The following MRC2 variants were observed in gnomAD, a reference collection of about 807,000 sequenced individuals.
MRC2 encodes mannose receptor C-type 2.
A neutral mutation model predicts 206.2 loss-of-function variants in MRC2; 84 were observed. The ratio of observed to expected loss-of-function variants is 0.41; its 90% confidence interval spans 0.34 to 0.49. The LOEUF (loss-of-function observed/expected upper bound fraction) is 0.49, where lower values mean the gene tolerates loss of function less well. Ranked by LOEUF, MRC2 falls within the 20% of genes least tolerant of loss-of-function variation. The pLI, the probability that MRC2 is intolerant of heterozygous loss-of-function variation, is 0.31. For synonymous variants in MRC2, 798 were observed against 800.0 expected (o/e 1.00, Z 0.04); for missense variants, 1,676 against 2,001.5 (o/e 0.84, Z 3.10).
At position 62,664,924 on chromosome 17, in the gene MRC2, G is replaced by A; in HGVS notation, c.495G>A (p.Glu165=). 7 of 1,610,640 alleles carry A rather than the reference G, an allele frequency of 4.3e-6. No individual in the cohort carries two copies. Among genetic ancestry groups the A allele is most frequent in the Non-Finnish European group, 5.9e-6 (7 of 1,179,654 alleles). Residue 165 remains glutamate (E), a synonymous_variant, in exon 2 of 30, where the codon GAG becomes GAA. Coordinates refer to ENST00000303375, the MANE Select transcript of MRC2 (RefSeq NM_006039.5). The surrounding 1 kb of genome is among the most constrained non-coding windows in gnomAD (Gnocchi z 4.7). ...AGTGGCGCATCTACGGCAGCGAGGA[G>A]GACCTATGTGCTCTGCCCTACCACG... ...SGQWRIYGSE[E]DLCALPYHEV...
At chr17:62,687,883 G>GAA (rs146397202) in intron 20 of MRC2, among the ~76,000 whole-genome samples, 1 of 142,940 alleles carries the variant, frequency 7.0e-6, no homozygotes, top group Non-Finnish European at 1.5e-5. Context: ...ACTCTGTCTT[G>GAA]AAAAAAAAAA....
chr17:62,648,518 A>G (rs1343233849), intron 1 of MRC2, among the ~76,000 whole-genome samples: 1 of 152,230 alleles, frequency 6.6e-6, no homozygotes, highest in Admixed American at 6.5e-5. Context: ...TTTCTGCAGA[A>G]CCGGAATGTG....
In MRC2 at chr17:62,692,159, C is replaced by T. The variant is rs201019182; in HGVS notation, c.4219+21C>T. Reference sequence around the variant, plus strand: ...ATCAGGTGAGTGAAAGGCAATGCCCCCAGGTGGGCAGGCAGGAAGCACTGC... The same window carrying T: ...ATCAGGTGAGTGAAAGGCAATGCCCTCAGGTGGGCAGGCAGGAAGCACTGC... On this transcript the variant is annotated intron_variant, in intron 29 of 29. Transcript: ENST00000303375. The surrounding 1 kb of genome is among the most constrained non-coding windows in gnomAD (Gnocchi z 4.2). 6.2e-7 allele frequency: 1 copy of T among 1,614,198 alleles called. No homozygotes were observed. The highest frequency in any genetic ancestry group is 2.2e-5 in the East Asian group (1 of 44,878).
chr17:62,678,098 T>C (rs1179206938), intron 12 of MRC2, among the ~76,000 whole-genome samples: 5 of 152,134 alleles, frequency 3.3e-5, no homozygotes, highest in African/African-American at 9.7e-5. Context: ...GCTGTCACAA[T>C]GGAGATTTAG....
chr17:62,682,247 A>T lies in MRC2; in HGVS notation c.2816A>T (p.Asp939Val), dbSNP rs1053276367. 1 of 1,595,826 alleles carries T rather than the reference A, an allele frequency of 6.3e-7. No homozygotes were observed. Residue 939 changes from aspartate to valine, a missense_variant, in exon 20 of 30, where the codon GAC (aspartate) becomes GTC (valine). By Grantham distance (152) the Asp-to-Val change is radical (BLOSUM62 -3). Transcript: ENST00000303375. Reference sequence around the variant, plus strand: ...CCCCTTTCCGCAGAGGACTGGGGGGACCAGAGGTGCCTGACAGCCTTGCCC... The same window carrying T: ...CCCCTTTCCGCAGAGGACTGGGGGGTCCAGAGGTGCCTGACAGCCTTGCCC... ...YMTASREDWGDQRCLTALPYI... is the reference protein window; with the variant it reads ...YMTASREDWGVQRCLTALPYI...
At chr17:62,674,869 C>T (rs78296800) in intron 9 of MRC2, among the ~76,000 whole-genome samples, 3 of 152,002 alleles carry the variant, frequency 2.0e-5, no homozygotes, top group Non-Finnish European at 4.4e-5. Flanking sequence ...GGCCCTTGGC[C>T]CCCCCCAGCA....
At chr17:62,636,037 T>G (rs2088313219) in intron 1 of MRC2, among the ~76,000 whole-genome samples, 1 of 151,924 alleles carries the variant, frequency 6.6e-6, no homozygotes, top group Non-Finnish European at 1.5e-5. Flanking sequence ...TCCACCTGCC[T>G]CGGCCTCCCA....
chr17:62,680,063 G>A lies in MRC2; in HGVS notation c.2299-107G>A. ...TCCGAGAGGGGTCACCCGGCCCCCG[G>A]TGAGAATTCGCAGCTCAGGCCAGGC... On this transcript the variant is annotated intron_variant, in intron 14 of 29. Coordinates refer to ENST00000303375, the MANE Select transcript of MRC2 (RefSeq NM_006039.5). This position sits in a 1 kb window ranked among gnomAD's most constrained non-coding sequence, Gnocchi z 4.8. The A allele has an allele frequency of 6.4e-7, 1 of 1,554,128 alleles. No individual in the cohort carries two copies. The highest frequency in any genetic ancestry group is 8.8e-7 in the Non-Finnish European group (1 of 1,141,392).
At position 62,627,831 on chromosome 17, in the gene MRC2, C is replaced by T; in HGVS notation, c.29C>T (p.Pro10Leu). The change falls in exon 1 of 30, where the codon CCC becomes CTC. Residue 10 changes from proline (P) to leucine (L), a missense_variant. Coordinates refer to ENST00000303375, the MANE Select transcript of MRC2 (RefSeq NM_006039.5). Reference sequence around the variant, plus strand: ...GGGCCCGGCCGGCCGGCCCCCGCGCCCTGGCCTCGTCACCTGCTGCGCTGC... The same window carrying T: ...GGGCCCGGCCGGCCGGCCCCCGCGCTCTGGCCTCGTCACCTGCTGCGCTGC... MGPGRPAPA[P>L]WPRHLLRCVL... 1 of 1,464,992 alleles carries T rather than the reference C, an allele frequency of 6.8e-7. No individual in the cohort carries two copies. Among genetic ancestry groups the T allele is most frequent in the Middle Eastern group, 2.3e-4 (1 of 4,386 alleles). 90.7% of individuals were successfully genotyped at this position (1,464,992 alleles called of 1,614,324 possible). A position where few individuals can be genotyped will look rare whatever the true frequency, so the allele number is the denominator to read the frequency against.
At chr17:62,639,846 A>G (rs763147453) in intron 1 of MRC2, among the ~76,000 whole-genome samples, 21 of 151,986 alleles carry the variant, frequency 1.4e-4, no homozygotes, top group Non-Finnish European at 2.2e-4. Context: ...AGTGACAAAT[A>G]TATGGCTAAT....
intron 1 of MRC2, among the ~76,000 whole-genome samples, chr17:62,630,096 C>A (rs1341919610): frequency 6.6e-6 from 1 of 152,172 alleles, no homozygotes; most frequent in Non-Finnish European, 1.5e-5. Context: ...GTTTGCTCAG[C>A]CTTGAGCCAA....
intron 10 of MRC2, 90 bp from the exon 11 acceptor site, chr17:62,676,293 C>A: frequency 6.6e-7 from 1 of 1,522,812 alleles, no homozygotes; most frequent in Non-Finnish European, 8.8e-7. Context: ...TCGGGTGCAG[C>A]ACCCGAGCTC....
chr17:62,634,670 A>G (rs2429401), intron 1 of MRC2, among the ~76,000 whole-genome samples: 102,015 of 151,850 alleles, frequency 0.67, 34,434 homozygotes, highest in East Asian at 0.82. Flanking sequence ...CTGTTTTTTC[A>G]GCAAGGTCTT....
In MRC2 at chr17:62,692,369, G is replaced by A. The variant is rs2147497408; in HGVS notation, c.4358G>A (p.Ser1453Asn). 1 of 1,573,562 alleles carries A rather than the reference G, an allele frequency of 6.4e-7. No homozygotes were observed. The highest frequency in any genetic ancestry group is 2.3e-5 in the East Asian group (1 of 43,114). ...ERGAFEGARY[S>N]RSSSSPTEAT... ...GGGGCCTTTGAGGGTGCCCGCTACA[G>A]CCGCAGCAGCTCCAGCCCCACCGAG... is the stretch of plus-strand genomic sequence containing the variant. Residue 1453 changes from serine (S) to asparagine (N), a missense_variant, in exon 30 of 30, where the codon AGC (serine) becomes AAC (asparagine). Ser to Asn is a conservative substitution (Grantham distance 46). This residue lies in a region of MRC2 where 1,354 missense variants were observed against 1,636.6 expected (regional missense o/e 0.83). Transcript: ENST00000303375. The surrounding 1 kb of genome is among the most constrained non-coding windows in gnomAD (Gnocchi z 4.2).
At chr17:62,636,638 T>G (rs1194666363) in intron 1 of MRC2, among the ~76,000 whole-genome samples, 2 of 151,400 alleles carry the variant, frequency 1.3e-5, no homozygotes, top group Non-Finnish European at 2.9e-5. Context: ...CTGGCTAATT[T>G]TGTTTTTGAA....
chr17:62,663,036 T>C (rs1598981279), intron 1 of MRC2, among the ~76,000 whole-genome samples: 3 of 152,332 alleles, frequency 2.0e-5, no homozygotes, highest in Admixed American at 2.0e-4. Flanking sequence ...GGAGATTGGA[T>C]GTACTCCATA....
In MRC2 at chr17:62,684,666, G is replaced by A. The variant is rs1394566290; in HGVS notation, c.2946+2289G>A. 2.0e-5 allele frequency among the ~76,000 whole-genome samples: 3 copies of A among 152,260 alleles called. No homozygotes were observed. The East Asian group carries it at 5.8e-4, about 29-fold the overall frequency. ...TGTCATTTTCCTTGTTATGTGCCAGGGTAATTGGCATTAATCTCAAGCCAT... is the reference window on the plus strand; with the variant it reads ...TGTCATTTTCCTTGTTATGTGCCAGAGTAATTGGCATTAATCTCAAGCCAT... On this transcript the variant is annotated intron_variant, in intron 20 of 29. Coordinates refer to ENST00000303375, the MANE Select transcript of MRC2 (RefSeq NM_006039.5).
chr17:62,656,937 G>A (rs1242426051), intron 1 of MRC2, among the ~76,000 whole-genome samples: 4 of 152,178 alleles, frequency 2.6e-5, no homozygotes, highest in Admixed American at 6.5e-5. Flanking sequence ...ATCGTAGGAA[G>A]CATGGCCATT....
In MRC2 at chr17:62,675,950, G is replaced by A. The variant is rs766861842; in HGVS notation, c.1685+45G>A. Reference sequence around the variant, plus strand: ...CCTGACTAGCCCTTGCCCATGTCTGGGCCTATTGTGGTCCCTTCAGCAAAC... The same window carrying A: ...CCTGACTAGCCCTTGCCCATGTCTGAGCCTATTGTGGTCCCTTCAGCAAAC... On this transcript the variant is annotated intron_variant, in intron 10 of 29. Coordinates refer to ENST00000303375, the MANE Select transcript of MRC2 (RefSeq NM_006039.5). This position sits in a 1 kb window ranked among gnomAD's most constrained non-coding sequence, Gnocchi z 4.1. The A allele has an allele frequency of 2.0e-6, 3 of 1,521,836 alleles. No individual in the cohort carries two copies. The highest frequency in any genetic ancestry group is 2.7e-6 in the Non-Finnish European group (3 of 1,097,728). The allele number at this position is 1,521,836 out of a possible 1,614,324, so 94.3% of individuals were successfully genotyped here.
Sources: allele counts gnomAD v4.1 joint callset (sites outside exome capture counted in the v4.1 genomes callset), GRCh38; gene constraint gnomAD v4.1.1; regional missense constraint gnomAD v4.1.1; non-coding constraint Gnocchi (gnomAD v3.1); transcripts MANE v1.5; gene names NCBI Gene and HGNC (gene_info 2026-07-23, HGNC 2026-07-21).